The following ZBTB7C variants were observed in gnomAD, a reference collection of about 807,000 sequenced individuals.
ZBTB7C encodes zinc finger and BTB domain-containing protein 7C.
ZBTB7C carries 8 observed loss-of-function variants against 25.7 expected under a neutral mutation model. That is an observed-to-expected ratio of 0.31 (90% CI 0.18 to 0.56). The LOEUF (loss-of-function observed/expected upper bound fraction) is 0.56, where lower values mean the gene tolerates loss of function less well. Ranked by LOEUF, ZBTB7C falls within the 20% of genes least tolerant of loss-of-function variation. The probability of loss-of-function intolerance (pLI) is 0.91; values close to 1 mark genes in which losing one functional copy is unlikely to be tolerated. For synonymous variants in ZBTB7C, 394 were observed against 369.0 expected, an observed-to-expected ratio of 1.07 and a Z score of -0.78; for missense variants, 824 against 855.2, an observed-to-expected ratio of 0.96 and a Z score of 0.46.
intron 2 of ZBTB7C, among the ~76,000 whole-genome samples, chr18:48,204,169 G>A (rs1397329373): frequency 1.3e-5 from 2 of 152,148 alleles, no homozygotes; most frequent in Admixed American, 6.5e-5. Flanking sequence ...CACTGCTTGC[G>A]GTGGTGGGAG....
chr18:48,251,822 G>C (rs2043867470), intron 2 of ZBTB7C, among the ~76,000 whole-genome samples: 1 of 152,154 alleles, frequency 6.6e-6, no homozygotes, highest in African/African-American at 2.4e-5. Flanking sequence ...ATAAAACCCT[G>C]TGCATTTCAC....
At chr18:48,111,637 G>A (rs2039243985) in intron 3 of ZBTB7C, among the ~76,000 whole-genome samples, 1 of 152,324 alleles carries the variant, frequency 6.6e-6, no homozygotes, top group East Asian at 1.9e-4. Context: ...TGGGATGGGA[G>A]AGATGTGATG....
chr18:48,108,356 C>T (rs957621199), intron 3 of ZBTB7C, among the ~76,000 whole-genome samples: 1 of 152,122 alleles, frequency 6.6e-6, no homozygotes, highest in Non-Finnish European at 1.5e-5. Flanking sequence ...GGATCAGCAG[C>T]GACCACAGGC....
intron 3 of ZBTB7C, among the ~76,000 whole-genome samples, chr18:48,077,829 G>T (rs375683261): frequency 4.7e-4 from 71 of 152,266 alleles, no homozygotes; most frequent in African/African-American, 1.7e-3. Flanking sequence ...TGGCTCCCTG[G>T]TTATAGAGGT....
At chr18:48,224,807 A>C (rs2043049436) in intron 2 of ZBTB7C, among the ~76,000 whole-genome samples, 1 of 152,212 alleles carries the variant, frequency 6.6e-6, no homozygotes, top group South Asian at 2.1e-4. Context: ...CATAGCTCTC[A>C]GGAAGCAGCT....
intron 2 of ZBTB7C, among the ~76,000 whole-genome samples, chr18:48,285,167 T>G (rs1598780544): frequency 1.3e-5 from 2 of 152,244 alleles, no homozygotes; most frequent in African/African-American, 4.8e-5. Context: ...TTACTTGTAT[T>G]GTTTGAACCT....
chr18:48,029,958 C>G, intron 4 of ZBTB7C, 47 bp from the exon 5 acceptor site: 1 of 1,603,194 alleles, frequency 6.2e-7, no homozygotes, highest in South Asian at 1.1e-5. Flanking sequence ...ACACCAGGAG[C>G]CATTCCTAAC....
intron 2 of ZBTB7C, among the ~76,000 whole-genome samples, chr18:48,259,339 T>C (rs1408531879): frequency 7.5e-6 from 1 of 133,500 alleles, no homozygotes; most frequent in Non-Finnish European, 1.5e-5. Context: ...CAATGAGATA[T>C]TCTTTTGCAA....
chr18:48,251,366 T>C (rs1185345498), intron 2 of ZBTB7C, among the ~76,000 whole-genome samples: 1 of 152,196 alleles, frequency 6.6e-6, no homozygotes, highest in Non-Finnish European at 1.5e-5. Context: ...CCCTGGGAAG[T>C]AAGGACCACA....
chr18:48,164,649 C>G (rs1169180198), intron 3 of ZBTB7C, among the ~76,000 whole-genome samples: 1 of 151,906 alleles, frequency 6.6e-6, no homozygotes, highest in African/African-American at 2.4e-5. Context: ...TTTTTTGCAT[C>G]TCTAAGTAAA....
intron 3 of ZBTB7C, among the ~76,000 whole-genome samples, chr18:48,092,605 T>G (rs963076501): frequency 2.6e-5 from 4 of 152,206 alleles, no homozygotes; most frequent in Non-Finnish European, 5.9e-5. Flanking sequence ...TGTCTTTAAG[T>G]TCTCATACCA....
chr18:48,144,098 T>C (rs188958254), intron 3 of ZBTB7C, among the ~76,000 whole-genome samples: 216 of 152,084 alleles, frequency 1.4e-3, no homozygotes, highest in Admixed American at 5.2e-3. Context: ...GCCAACATGG[T>C]GAAAGCCCCA....
chr18:48,192,806 C>G (rs527790921), intron 2 of ZBTB7C, among the ~76,000 whole-genome samples: 1 of 152,082 alleles, frequency 6.6e-6, no homozygotes, highest in South Asian at 2.1e-4. Context: ...ATTGTGTCAT[C>G]GATTATAACA....
At chr18:48,409,558 C>A, upstream of ZBTB7C, 2 of 149,454 alleles carry the variant, frequency 1.3e-5, no homozygotes, top group South Asian at 4.0e-4. Flanking sequence ...TGTGTGCGGT[C>A]GCCTGTCGCT....
At chr18:48,243,258 T>C (rs1324237924) in intron 2 of ZBTB7C, among the ~76,000 whole-genome samples, 4 of 108,300 alleles carry the variant, frequency 3.7e-5, no homozygotes, top group Non-Finnish European at 7.1e-5. Flanking sequence ...AGCAAGACTC[T>C]CTACCCCCCC....
intron 1 of ZBTB7C, among the ~76,000 whole-genome samples, chr18:48,359,140 A>G (rs1327188405): frequency 2.0e-5 from 3 of 152,250 alleles, no homozygotes; most frequent in African/African-American, 7.2e-5. Context: ...CAAAGGGCAC[A>G]GGAAGGATAA....
chr18:48,356,544 T>A (rs1400325613), intron 1 of ZBTB7C, among the ~76,000 whole-genome samples: 1 of 152,052 alleles, frequency 6.6e-6, no homozygotes, highest in Non-Finnish European at 1.5e-5. Context: ...CTCCTCCAGG[T>A]CCCCACACCT....
intron 2 of ZBTB7C, among the ~76,000 whole-genome samples, chr18:48,191,400 C>A (rs1251180374): frequency 2.6e-5 from 4 of 152,206 alleles, no homozygotes; most frequent in African/African-American, 9.7e-5. Context: ...GCAAACGGGG[C>A]ATAATAACGC....
intron 2 of ZBTB7C, among the ~76,000 whole-genome samples, chr18:48,281,703 T>C (rs1568350221): frequency 6.6e-6 from 1 of 151,736 alleles, no homozygotes; most frequent in Non-Finnish European, 1.5e-5. Flanking sequence ...AAAAAACACA[T>C]GAAAAAATGC....
Sources: allele counts gnomAD v4.1 joint callset (sites outside exome capture counted in the v4.1 genomes callset), GRCh38; gene constraint gnomAD v4.1.1; transcripts MANE v1.5; gene names NCBI Gene and HGNC (gene_info 2026-07-23, HGNC 2026-07-21).